WWOX: variants seen among roughly 807,000 people sequenced by gnomAD.
WWOX encodes WW domain-containing oxidoreductase.
A neutral mutation model predicts 46.2 loss-of-function variants in WWOX; 69 were observed. The ratio of observed to expected loss-of-function variants is 1.49; its 90% confidence interval spans 1.23 to 1.82. The LOEUF (loss-of-function observed/expected upper bound fraction) is 1.82. Among genes scored for constraint, WWOX ranks in the 40% most tolerant of loss-of-function variants. The pLI is 0.00. For missense variants in WWOX, 919 were observed against 542.6 expected, an observed-to-expected ratio of 1.69 and a Z score of -6.89; for synonymous variants, 359 against 202.6, an observed-to-expected ratio of 1.77 and a Z score of -6.56.
At chr16:78,720,726 C>A (rs988721205) in intron 8 of WWOX, among the ~76,000 whole-genome samples, 1 of 152,078 alleles carries the variant, frequency 6.6e-6, no homozygotes, top group Admixed American at 6.6e-5. Flanking sequence ...CTATAAATTT[C>A]CACCGGTCTC....
chr16:78,218,929 T>C (rs1302477766), intron 5 of WWOX, among the ~76,000 whole-genome samples: 1 of 152,272 alleles, frequency 6.6e-6, no homozygotes, highest in Non-Finnish European at 1.5e-5. Flanking sequence ...GATTTATCGT[T>C]GCAATTAGAT....
chr16:79,025,915 C>G (rs147239514), intron 8 of WWOX, among the ~76,000 whole-genome samples: 2 of 145,430 alleles, frequency 1.4e-5, no homozygotes, highest in Non-Finnish European at 3.0e-5. Context: ...TCTCCTGCCT[C>G]ACCCTCCCGA....
chr16:78,582,222 G>A (rs1394289418), intron 8 of WWOX, among the ~76,000 whole-genome samples: 1 of 152,118 alleles, frequency 6.6e-6, no homozygotes, highest in African/African-American at 2.4e-5. Flanking sequence ...GTCAATACAT[G>A]GCCAAAGTGT....
At chr16:78,541,369 G>T (rs923113297) in intron 8 of WWOX, among the ~76,000 whole-genome samples, 7 of 147,424 alleles carry the variant, frequency 4.7e-5, no homozygotes, top group African/African-American at 1.7e-4. Context: ...AGCTACTTGG[G>T]AGGCTGAGGC....
At chr16:78,198,216 C>G (rs542049843) in intron 5 of WWOX, among the ~76,000 whole-genome samples, 3 of 152,020 alleles carry the variant, frequency 2.0e-5, no homozygotes, top group Admixed American at 1.3e-4. Context: ...CAGACTGATT[C>G]CTAGATCTTG....
intron 8 of WWOX, among the ~76,000 whole-genome samples, chr16:79,082,659 A>G (rs2048782578): frequency 6.6e-6 from 1 of 152,206 alleles, no homozygotes; most frequent in South Asian, 2.1e-4. Flanking sequence ...TTTAAGATCC[A>G]CAGTCTGCTC....
chr16:78,418,276 A>G (rs1314978698), intron 6 of WWOX, among the ~76,000 whole-genome samples: 1 of 152,046 alleles, frequency 6.6e-6, no homozygotes, highest in Non-Finnish European at 1.5e-5. Context: ...AGGCAGGAGA[A>G]TGGCGTGAAC....
intron 8 of WWOX, among the ~76,000 whole-genome samples, chr16:78,936,386 C>G (rs369321838): frequency 1.3e-5 from 2 of 152,244 alleles, no homozygotes; most frequent in East Asian, 1.9e-4. Context: ...CTAACCCAAG[C>G]TTTGCATGAT....
intron 8 of WWOX, among the ~76,000 whole-genome samples, chr16:78,505,947 C>A (rs532626245): frequency 6.6e-6 from 1 of 152,190 alleles, no homozygotes; most frequent in Non-Finnish European, 1.5e-5. Flanking sequence ...CTCTGCAAAC[C>A]GCATTTCCTT....
intron 8 of WWOX, among the ~76,000 whole-genome samples, chr16:79,110,065 G>T (rs1231725083): frequency 6.6e-6 from 1 of 152,156 alleles, no homozygotes; most frequent in Admixed American, 6.5e-5. Flanking sequence ...GTGTGATCCT[G>T]TTATTGGGCT....
chr16:79,200,803 C>T (rs538594607), intron 8 of WWOX, among the ~76,000 whole-genome samples: 2 of 152,238 alleles, frequency 1.3e-5, no homozygotes, highest in Admixed American at 6.5e-5. Flanking sequence ...TACCTGGGCT[C>T]AGTGGTCTGG....
chr16:78,503,249 G>A (rs12443611), intron 8 of WWOX, among the ~76,000 whole-genome samples: 85,360 of 151,904 alleles, frequency 0.56, 28,045 homozygotes, highest in Non-Finnish European at 0.72. Context: ...TCTTCCATCC[G>A]CTGGTAAAAT....
chr16:79,040,663 CTCA>C (rs969588718), intron 8 of WWOX, among the ~76,000 whole-genome samples: 1 of 152,080 alleles, frequency 6.6e-6, no homozygotes, highest in Admixed American at 6.5e-5. Flanking sequence ...AGTTCCCACC[CTCA>C]TCATCAACCC....
chr16:78,127,122 T>G (rs2151691492), intron 4 of WWOX, among the ~76,000 whole-genome samples: 1 of 152,308 alleles, frequency 6.6e-6, no homozygotes, highest in South Asian at 2.1e-4. Context: ...ACTTCCTATC[T>G]GTATGACCCG....
chr16:79,172,544 T>A (rs531681033), intron 8 of WWOX, among the ~76,000 whole-genome samples: 2 of 152,278 alleles, frequency 1.3e-5, no homozygotes, highest in Admixed American at 1.3e-4. Flanking sequence ...CTGCATGAAT[T>A]GCATCCAGCA....
chr16:78,485,001 A>G (rs1405661721), intron 8 of WWOX, among the ~76,000 whole-genome samples: 2 of 151,946 alleles, frequency 1.3e-5, no homozygotes, highest in Non-Finnish European at 2.9e-5. Flanking sequence ...GCTGACTAAC[A>G]CCTTATAGAT....
At chr16:79,018,264 G>C (rs888315696) in intron 8 of WWOX, among the ~76,000 whole-genome samples, 10 of 152,166 alleles carry the variant, frequency 6.6e-5, no homozygotes, top group Non-Finnish European at 1.2e-4. Flanking sequence ...TCAGCAATCA[G>C]CCATTTTCTG....
intron 8 of WWOX, among the ~76,000 whole-genome samples, chr16:79,063,908 G>C (rs1387821083): frequency 1.3e-5 from 2 of 152,178 alleles, no homozygotes; most frequent in Non-Finnish European, 2.9e-5. Context: ...AATGAGACTA[G>C]TATGGAGCAA....
chr16:78,206,742 C>T (rs1452296514), intron 5 of WWOX, among the ~76,000 whole-genome samples: 1 of 144,432 alleles, frequency 6.9e-6, no homozygotes, highest in Non-Finnish European at 1.5e-5. Flanking sequence ...ATCAGAACTA[C>T]CTTTTGACTA....
Sources: allele counts gnomAD v4.1 joint callset (sites outside exome capture counted in the v4.1 genomes callset), GRCh38; gene constraint gnomAD v4.1.1; transcripts MANE v1.5; gene names NCBI Gene and HGNC (gene_info 2026-07-23, HGNC 2026-07-21).